The following DTNA variants were observed in gnomAD, a reference collection of about 807,000 sequenced individuals.
DTNA encodes dystrobrevin alpha.
A neutral mutation model predicts 100.7 loss-of-function variants in DTNA; 43 were observed. The ratio of observed to expected loss-of-function variants is 0.43; its 90% CI spans 0.33 to 0.55. The LOEUF (loss-of-function observed/expected upper bound fraction) is 0.55, where lower values mean the gene tolerates loss of function less well. Among genes scored for constraint, DTNA ranks in the 20% least tolerant of loss-of-function variants. The pLI, the probability that DTNA is intolerant of heterozygous loss-of-function variation, is 0.04. For missense variants in DTNA, 798 were observed against 953.9 expected (o/e 0.84, Z 2.15); for synonymous variants, 349 against 347.9 (o/e 1.00, Z -0.04).
At chr18:34,867,131 C>G (rs1430450104) in intron 17 of DTNA, 10 of 1,231,150 alleles carry the variant, frequency 8.1e-6, no homozygotes, top group Non-Finnish European at 1.0e-5. Context: ...TTCCATGGAT[C>G]AATTAGAACC....
chr18:34,843,287 T>A (rs550261937), intron 13 of DTNA, among the ~76,000 whole-genome samples: 1 of 152,122 alleles, frequency 6.6e-6, no homozygotes, highest in Non-Finnish European at 1.5e-5. Flanking sequence ...TTCACTGATG[T>A]GAACAGAGCA....
At chr18:34,511,280 C>G (rs542116626) in intron 1 of DTNA, among the ~76,000 whole-genome samples, 29 of 152,098 alleles carry the variant, frequency 1.9e-4, no homozygotes, top group African/African-American at 7.0e-4. Flanking sequence ...TACTTAAGAC[C>G]CATCTGTTAT....
Position 34,569,908 on chromosome 18 carries a change from C to CAA in DTNA, c.-2+76397_-2+76398dup, listed in dbSNP as rs1423480333. 1.5e-3 allele frequency among the ~76,000 whole-genome samples: 229 copies of CAA among 150,826 alleles called. 1 individual carries two copies. The highest frequency in any genetic ancestry group is 5.1e-3 in the African/African-American group (207 of 40,710). On this transcript the variant is annotated intron_variant, in intron 1 of 19. Transcript: ENST00000283365. Reference sequence around the variant, plus strand: ...ACATACACACACACACACACACACACAAAATAATAATAATAATATCACAGA... The same window carrying CAA: ...ACATACACACACACACACACACACACAAAAAATAATAATAATAATATCACAGA...
chr18:34,798,820 A>G (rs922690654), intron 4 of DTNA, among the ~76,000 whole-genome samples: 2 of 152,128 alleles, frequency 1.3e-5, no homozygotes, highest in Non-Finnish European at 2.9e-5. Context: ...TTGGCCCTAT[A>G]TTATCATGAT....
intron 1 of DTNA, among the ~76,000 whole-genome samples, chr18:34,524,797 A>C (rs2042458888): frequency 6.6e-6 from 1 of 152,146 alleles, no homozygotes; most frequent in African/African-American, 2.4e-5. Context: ...AATATCTAAA[A>C]GAAAAATATT....
intron 1 of DTNA, among the ~76,000 whole-genome samples, chr18:34,539,112 A>C (rs2044001638): frequency 6.6e-6 from 1 of 152,040 alleles, no homozygotes; most frequent in Non-Finnish European, 1.5e-5. Flanking sequence ...TCAGATTGGC[A>C]AAATATTTAA....
At chr18:34,651,419 A>G (rs2143906320) in intron 1 of DTNA, among the ~76,000 whole-genome samples, 1 of 152,314 alleles carries the variant, frequency 6.6e-6, no homozygotes, top group Non-Finnish European at 1.5e-5. Flanking sequence ...TTTAATGGCC[A>G]TACCCCATAT....
At chr18:34,744,377 C>T (rs1472649155) in intron 1 of DTNA, among the ~76,000 whole-genome samples, 2 of 152,134 alleles carry the variant, frequency 1.3e-5, no homozygotes, top group East Asian at 3.9e-4. Context: ...GTTGGATTCA[C>T]ACATCATGGA....
intron 1 of DTNA, among the ~76,000 whole-genome samples, chr18:34,533,529 A>C (rs1307416399): frequency 6.6e-5 from 10 of 152,150 alleles, no homozygotes; most frequent in Non-Finnish European, 1.5e-4. Flanking sequence ...AACTAGAGGC[A>C]ACCATATGGC....
chr18:34,774,426 A>G (rs1413428486), intron 3 of DTNA, among the ~76,000 whole-genome samples: 3 of 152,172 alleles, frequency 2.0e-5, no homozygotes, highest in African/African-American at 4.8e-5. Flanking sequence ...ATGAAATCAC[A>G]CCTGAGATTC....
At chr18:34,615,308 C>G (rs1022560248) in intron 1 of DTNA, among the ~76,000 whole-genome samples, 1 of 152,114 alleles carries the variant, frequency 6.6e-6, no homozygotes, top group Admixed American at 6.5e-5. Flanking sequence ...GGAATGCGCC[C>G]CCATGACCCA....
intron 9 of DTNA, among the ~76,000 whole-genome samples, chr18:34,823,223 T>C (rs1163926842): frequency 1.3e-5 from 2 of 152,192 alleles, no homozygotes; most frequent in African/African-American, 4.8e-5. Flanking sequence ...AAAAAATAAA[T>C]GGTATTAAGC....
intron 1 of DTNA, among the ~76,000 whole-genome samples, chr18:34,592,502 A>ACG (rs1555634398): frequency 3.3e-4 from 50 of 150,610 alleles, no homozygotes; most frequent in African/African-American, 1.1e-3. Flanking sequence ...ACACACACAC[A>ACG]CACATTTTGT....
chr18:34,521,526 A>G (rs1036787695), intron 1 of DTNA, among the ~76,000 whole-genome samples: 1 of 152,140 alleles, frequency 6.6e-6, no homozygotes, highest in African/African-American at 2.4e-5. Context: ...TCCCTTGCAA[A>G]GCATGACCTG....
At chr18:34,847,257 A>G (rs778018835) in intron 13 of DTNA, among the ~76,000 whole-genome samples, 1 of 152,152 alleles carries the variant, frequency 6.6e-6, no homozygotes, top group Non-Finnish European at 1.5e-5. Flanking sequence ...TTATTCTAGT[A>G]TGAACAGTTT....
At chr18:34,709,325 G>A (rs995593761), upstream of DTNA, 10 of 152,370 alleles carry the variant, frequency 6.6e-5, no homozygotes, top group East Asian at 1.2e-3. Context: ...AATAAGGAAG[G>A]TTGTGCAAGA....
In DTNA at chr18:34,849,425, G is replaced by A. The variant is rs546843107; in HGVS notation, c.1434+1042G>A. ...TATGGTATACCAAGATATGGGATTA[G>A]CAATGTGTGTCCCAGCTCTCCATGA... On this transcript the variant is annotated intron_variant, in intron 14 of 22. Coordinates refer to ENST00000444659, the MANE Select transcript of DTNA (RefSeq NM_001386795.1). 9.2e-5 allele frequency among the ~76,000 whole-genome samples: 14 copies of A among 152,262 alleles called. No homozygotes were observed. In the South Asian group the frequency reaches 2.7e-3, roughly 29 times the overall value.
At chr18:34,844,779 G>GA (rs1222002080) in intron 13 of DTNA, among the ~76,000 whole-genome samples, 1 of 152,206 alleles carries the variant, frequency 6.6e-6, no homozygotes, top group South Asian at 2.1e-4. Flanking sequence ...AACAGGCCCA[G>GA]AAAAAAATCA....
At chr18:34,690,490 T>G (rs1364527641) in intron 1 of DTNA, among the ~76,000 whole-genome samples, 2 of 152,296 alleles carry the variant, frequency 1.3e-5, no homozygotes, top group Admixed American at 1.3e-4. Context: ...CCCATTGAGA[T>G]GAACTGGGTA....
Sources: gnomAD v4.1 joint callset for allele counts (sites outside exome capture counted in the v4.1 genomes callset) on GRCh38, gnomAD v4.1.1 for gene constraint, MANE v1.5 for transcripts, NCBI Gene and HGNC (gene_info 2026-07-23, HGNC 2026-07-21) for gene names.